KCNN2: variants seen among roughly 807,000 people sequenced by gnomAD.
KCNN2 encodes the protein small conductance calcium-activated potassium channel protein 2.
KCNN2 carries 24 observed loss-of-function variants against 55.5 expected under a neutral mutation model. That is an observed-to-expected ratio of 0.43 (90% CI 0.31 to 0.61). The LOEUF (loss-of-function observed/expected upper bound fraction) is 0.61, where lower values mean the gene tolerates loss of function less well. Ranked by LOEUF, KCNN2 falls within the 20% of genes least tolerant of loss-of-function variation. The pLI is 0.08. For missense variants in KCNN2, 754 were observed against 853.6 expected, an observed-to-expected ratio of 0.88 and a Z score of 1.45; for synonymous variants, 431 against 336.1, an observed-to-expected ratio of 1.28 and a Z score of -3.09.
At chr5:114,360,110 C>T (rs1757375090), upstream of KCNN2, among the ~76,000 whole-genome samples, 1 of 152,124 alleles carries the variant, frequency 6.6e-6, no homozygotes, top group Non-Finnish European at 1.5e-5. Flanking sequence ...TGACCAAGAC[C>T]ATTGAGAAAT....
intron 2 of KCNN2, among the ~76,000 whole-genome samples, chr5:114,244,113 C>T (rs1021698949): frequency 1.3e-5 from 2 of 152,090 alleles, no homozygotes; most frequent in African/African-American, 4.8e-5. Flanking sequence ...AAATCCAGAA[C>T]TGAAAGGCAG....
chr5:114,458,133 G>C (rs995396836), intron 3 of KCNN2, among the ~76,000 whole-genome samples: 1 of 152,168 alleles, frequency 6.6e-6, no homozygotes, highest in African/African-American at 2.4e-5. Context: ...TTTCAGGAGA[G>C]AGGTGGATTC....
At chr5:114,149,425 C>T (rs965170432) in intron 1 of KCNN2, among the ~76,000 whole-genome samples, 7 of 152,202 alleles carry the variant, frequency 4.6e-5, no homozygotes, top group South Asian at 2.1e-4. Flanking sequence ...ATCGACAGGT[C>T]GAGAAATAAT....
In KCNN2 at chr5:114,308,157, A is replaced by G. The variant is rs575316269; in HGVS notation, c.-184-52788A>G. On this transcript the variant is annotated intron_variant, in intron 2 of 10. Coordinates refer to the KCNN2 transcript ENST00000512097. ...TTTATCACAGCTGAGAACAATTGTG[A>G]TGCCACCACATGCTGGGGATTACCA... Among the ~76,000 whole-genome samples the G allele has an allele frequency of 4.6e-5, 7 of 152,250 alleles. No individual in the cohort carries two copies. The East Asian group carries it at 1.4e-3, about 29-fold the overall frequency.
intron 3 of KCNN2, among the ~76,000 whole-genome samples, chr5:114,431,117 A>G (rs1408301465): frequency 6.6e-6 from 1 of 151,708 alleles, no homozygotes; most frequent in Non-Finnish European, 1.5e-5. Context: ...TTAGAAACTT[A>G]CCCCCCCATC....
chr5:114,437,881 C>G (rs1487285563), intron 3 of KCNN2, among the ~76,000 whole-genome samples: 2 of 151,982 alleles, frequency 1.3e-5, no homozygotes, highest in African/African-American at 4.8e-5. Context: ...CTTTTCTAAA[C>G]TTTCTTTCTT....
At chr5:114,202,347 A>G (rs1753689485) in intron 1 of KCNN2, among the ~76,000 whole-genome samples, 1 of 151,558 alleles carries the variant, frequency 6.6e-6, no homozygotes, top group African/African-American at 2.4e-5. Flanking sequence ...TCAACATAAG[A>G]CTTTACCTAT....
At chr5:114,417,856 G>A (rs1393940761) in intron 3 of KCNN2, among the ~76,000 whole-genome samples, 1 of 152,128 alleles carries the variant, frequency 6.6e-6, no homozygotes, top group Non-Finnish European at 1.5e-5. Context: ...CTCCTCAATG[G>A]TAAAAGGTGT....
chr5:114,194,636 C>G (rs143329772), intron 1 of KCNN2, among the ~76,000 whole-genome samples: 67 of 152,062 alleles, frequency 4.4e-4, no homozygotes, highest in African/African-American at 1.6e-3. Flanking sequence ...ATGTTTTCTT[C>G]TATTCAGTAG....
chr5:114,376,723 G>A (rs950574398), intron 2 of KCNN2, among the ~76,000 whole-genome samples: 4 of 152,148 alleles, frequency 2.6e-5, no homozygotes, highest in African/African-American at 9.7e-5. Context: ...CACAATGGGG[G>A]AAATTACAAT....
chr5:114,305,052 A>G (rs1756240740), intron 2 of KCNN2, among the ~76,000 whole-genome samples: 1 of 152,212 alleles, frequency 6.6e-6, no homozygotes, highest in African/African-American at 2.4e-5. Flanking sequence ...AATAATTTGA[A>G]CAGGGAAAGT....
chr5:114,391,686 G>A (rs1758456141), intron 2 of KCNN2, among the ~76,000 whole-genome samples: 1 of 152,158 alleles, frequency 6.6e-6, no homozygotes, highest in African/African-American at 2.4e-5. Flanking sequence ...TCCATAAAGT[G>A]TTTTAAGTTA....
chr5:114,172,564 G>T (rs1753059959), intron 1 of KCNN2, among the ~76,000 whole-genome samples: 1 of 148,664 alleles, frequency 6.7e-6, no homozygotes, highest in Non-Finnish European at 1.5e-5. Context: ...CTTTCAAGTG[G>T]GAAAATATAA....
At chr5:114,366,581 TA>T (rs1473467922) in intron 2 of KCNN2, among the ~76,000 whole-genome samples, 1 of 152,042 alleles carries the variant, frequency 6.6e-6, no homozygotes, top group Non-Finnish European at 1.5e-5. Context: ...CAGAAAAAGG[TA>T]AAGATGTTCT....
At chr5:114,349,977 A>AT (rs1374101503) in intron 2 of KCNN2, among the ~76,000 whole-genome samples, 1 of 151,742 alleles carries the variant, frequency 6.6e-6, no homozygotes, top group Non-Finnish European at 1.5e-5. Flanking sequence ...TGTGGTTTCG[A>AT]TTTGCATTTC....
At chr5:114,128,857 C>T (rs1014186915) in intron 1 of KCNN2, among the ~76,000 whole-genome samples, 3 of 152,178 alleles carry the variant, frequency 2.0e-5, no homozygotes, top group African/African-American at 4.8e-5. Flanking sequence ...CACAAGCCTA[C>T]TCCAAATTCA....
intron 1 of KCNN2, among the ~76,000 whole-genome samples, chr5:114,189,539 G>T (rs73779742): frequency 5.9e-5 from 9 of 152,152 alleles, no homozygotes; most frequent in African/African-American, 2.2e-4. Flanking sequence ...CCAAATGCCT[G>T]GGCACCCTGT....
intron 1 of KCNN2, among the ~76,000 whole-genome samples, chr5:114,144,903 A>T (rs917620040): frequency 6.6e-6 from 1 of 151,826 alleles, no homozygotes; most frequent in Non-Finnish European, 1.5e-5. Context: ...CCATCTTTGA[A>T]TTGACCTTTT....
At chr5:114,168,754 A>G (rs757404429) in intron 1 of KCNN2, among the ~76,000 whole-genome samples, 2 of 152,094 alleles carry the variant, frequency 1.3e-5, no homozygotes, top group African/African-American at 2.4e-5. Context: ...CAAATATTTT[A>G]TCTTAATTAT....
Sources: allele counts gnomAD v4.1 joint callset (sites outside exome capture counted in the v4.1 genomes callset), GRCh38; gene constraint gnomAD v4.1.1; transcripts MANE v1.5; gene names NCBI Gene and HGNC (gene_info 2026-07-23, HGNC 2026-07-21).